PADI1: variants seen among roughly 807,000 people sequenced by gnomAD.
The protein encoded by PADI1 is protein-arginine deiminase type-1.
PADI1 carries 65 observed loss-of-function variants against 74.8 expected under a neutral mutation model. The ratio of observed to expected loss-of-function variants is 0.87; its 90% CI spans 0.71 to 1.07. PADI1 has a LOEUF of 1.07. PADI1 is among the 50% of genes least tolerant of loss of function. The pLI is 0.00. For missense variants in PADI1, 943 were observed against 854.0 expected, an observed-to-expected ratio of 1.10 and a Z score of -1.30; for synonymous variants, 371 against 336.2, an observed-to-expected ratio of 1.10 and a Z score of -1.13.
At chr1:17,216,038 C>T (rs1030407567) in intron 1 of PADI1, among the ~76,000 whole-genome samples, 6 of 151,772 alleles carry the variant, frequency 4.0e-5, no homozygotes, top group African/African-American at 7.3e-5. Context: ...AGGGGCTGGG[C>T]GGACCGCAGG....
In PADI1 at chr1:17,222,289, G is replaced by A. The variant is rs2072176786; in HGVS notation, c.93-1G>A. On this transcript the variant is annotated splice_acceptor_variant, in intron 1 of 15. Coordinates refer to ENST00000375471, the MANE Select transcript of PADI1 (RefSeq NM_013358.3). LOFTEE classifies it high-confidence loss of function. The stretch of plus-strand genomic sequence containing the variant: ...CTCTTCCCATCTCTCTTCTCTGCCA[G>A]TGATGTGCCCAAGGGTGCCAACAGC... 1 of 1,612,914 alleles carries A rather than the reference G, an allele frequency of 6.2e-7. No individual in the cohort carries two copies.
intron 14 of PADI1, 129 bp from the exon 15 acceptor site, chr1:17,240,506 C>G: frequency 9.9e-7 from 1 of 1,005,034 alleles, no homozygotes; most frequent in Non-Finnish European, 1.5e-6. Flanking sequence ...TTCTATTGCA[C>G]AAAGCTGTTG....
chr1:17,244,602 G>A lies in PADI1; in HGVS notation c.*359G>A, dbSNP rs569224563. ...TTCTGATGCCTCCCTGGGGAACAAGGATAATGACTTTGCATCTGCACCTGG... is the reference window on the plus strand; with the variant it reads ...TTCTGATGCCTCCCTGGGGAACAAGAATAATGACTTTGCATCTGCACCTGG... On this transcript the variant is annotated 3_prime_UTR_variant, in exon 16 of 16. Coordinates refer to ENST00000375471, the MANE Select transcript of PADI1 (RefSeq NM_013358.3). 7.7e-6 allele frequency: 3 copies of A among 388,796 alleles called. No homozygotes were observed. The highest frequency in any genetic ancestry group is 7.0e-5 in the East Asian group (1 of 14,374). 24.1% of individuals were successfully genotyped at this position (388,796 alleles called of 1,614,324 possible). A position where few individuals can be genotyped will look rare whatever the true frequency, so the allele number is the denominator to read the frequency against.
At chr1:17,214,393 C>T (rs1221355750) in intron 1 of PADI1, among the ~76,000 whole-genome samples, 1 of 152,138 alleles carries the variant, frequency 6.6e-6, no homozygotes, top group Non-Finnish European at 1.5e-5. Flanking sequence ...TGGTGAGGGG[C>T]AGGCTCATCA....
chr1:17,215,631 A>G (rs2071956872), intron 1 of PADI1, among the ~76,000 whole-genome samples: 1 of 151,756 alleles, frequency 6.6e-6, no homozygotes, highest in Admixed American at 6.6e-5. Flanking sequence ...TGCTCTTGGA[A>G]CTCATGGGCC....
intron 1 of PADI1, among the ~76,000 whole-genome samples, chr1:17,216,179 C>A (rs1044036844): frequency 6.6e-6 from 1 of 152,134 alleles, no homozygotes; most frequent in Non-Finnish European, 1.5e-5. Flanking sequence ...CACACAGGCT[C>A]TGGTGACAGC....
chr1:17,228,173 G>C (rs749155841), intron 6 of PADI1, among the ~76,000 whole-genome samples: 2 of 152,056 alleles, frequency 1.3e-5, no homozygotes, highest in African/African-American at 4.8e-5. Flanking sequence ...AAAATTTTTT[G>C]TAGAGATGGG....
Position 17,237,271 on chromosome 1 carries a change from T to C in PADI1, c.1314-43T>C, listed in dbSNP as rs373330807. On this transcript the variant is annotated intron_variant, in intron 11 of 15. Coordinates refer to ENST00000375471, the MANE Select transcript of PADI1 (RefSeq NM_013358.3). Reference sequence around the variant, plus strand: ...GATGACTCAGGCAAGGCCTGATGCCTCTCAGGCACAAGGTGACTGCCCGCC... The same window carrying C: ...GATGACTCAGGCAAGGCCTGATGCCCCTCAGGCACAAGGTGACTGCCCGCC... The C allele has an allele frequency of 9.0e-5, 140 of 1,560,768 alleles. No homozygotes were observed. In the South Asian group the frequency reaches 1.3e-3, roughly 15 times the overall value.
Position 17,244,490 on chromosome 1 carries a change from G to A in PADI1, c.*247G>A, listed in dbSNP as rs1215300803. The stretch of plus-strand genomic sequence containing the variant: ...CTCTTTCCCACCCACAGCCCCCAGA[G>A]GCTCTAGATCAACAATGTTAGCATG... On this transcript the variant is annotated 3_prime_UTR_variant, in exon 16 of 16. Coordinates refer to ENST00000375471, the MANE Select transcript of PADI1 (RefSeq NM_013358.3). 2 of 611,254 alleles carry A rather than the reference G, an allele frequency of 3.3e-6. No homozygotes were observed. Among genetic ancestry groups the A allele is most frequent in the Admixed American group, 2.1e-5 (1 of 46,888 alleles). 37.9% of individuals were successfully genotyped at this position (611,254 alleles called of 1,614,324 possible). A position where few individuals can be genotyped will look rare whatever the true frequency, so the allele number is the denominator to read the frequency against.
chr1:17,235,011 G>C (rs1569836727), intron 11 of PADI1, among the ~76,000 whole-genome samples: 1 of 152,070 alleles, frequency 6.6e-6, no homozygotes, highest in East Asian at 1.9e-4. Flanking sequence ...CAGCTACTTG[G>C]GAGGCTGAGG....
chr1:17,223,566 G>A lies in PADI1; in HGVS notation c.274-55G>A, dbSNP rs1266308997. 7 of 1,424,500 alleles carry A rather than the reference G, an allele frequency of 4.9e-6. No homozygotes were observed. The African/African-American group carries it at 8.4e-5, about 17-fold the overall frequency. The allele number at this position is 1,424,500 out of a possible 1,614,324, so 88.2% of individuals were successfully genotyped here. ...TCAGGATGTGTCCCTCATCACCTCT[G>A]CCTCCGCCATCTCTGAAGGTGATGG... On this transcript the variant is annotated intron_variant, in intron 2 of 15. Coordinates refer to ENST00000375471, the MANE Select transcript of PADI1 (RefSeq NM_013358.3).
Position 17,228,997 on chromosome 1 carries a change from C to T in PADI1, c.875C>T (p.Ala292Val), listed in dbSNP as rs1226508882. The T allele has an allele frequency of 2.7e-5, 43 of 1,594,596 alleles. No individual in the cohort carries two copies. Among genetic ancestry groups the T allele is most frequent in the Admixed American group, 3.5e-5 (2 of 57,206 alleles). The change falls in exon 8 of 16, where the codon GCC becomes GTC. Residue 292 changes from alanine (A) to valine (V), a missense_variant. Physicochemically the swap from Ala to Val is moderately conservative, Grantham distance 64 (BLOSUM62 0). Coordinates refer to ENST00000375471, the MANE Select transcript of PADI1 (RefSeq NM_013358.3). The stretch of plus-strand genomic sequence containing the variant: ...ACAGACACTGTGGGCTTCCGCATGG[C>T]CCCCTGGATCATGACGCCCAACACT... ...LFTDTVGFRMAPWIMTPNTQP... is the reference protein window; with the variant it reads ...LFTDTVGFRMVPWIMTPNTQP...
intron 6 of PADI1, 59 bp downstream of exon 6, chr1:17,226,217 C>A: frequency 6.4e-7 from 1 of 1,568,442 alleles, no homozygotes; most frequent in East Asian, 2.3e-5. Flanking sequence ...CCTCTCCTCC[C>A]CCATCTCTCT....
chr1:17,226,649 C>T (rs1039191933), intron 6 of PADI1, among the ~76,000 whole-genome samples: 4 of 152,114 alleles, frequency 2.6e-5, no homozygotes, highest in Admixed American at 6.5e-5. Context: ...CAAGGCTGGG[C>T]GCAATGACTC....
At chr1:17,225,129 G>T (rs541556897) in intron 4 of PADI1, among the ~76,000 whole-genome samples, 1 of 152,310 alleles carries the variant, frequency 6.6e-6, no homozygotes, top group African/African-American at 2.4e-5. Flanking sequence ...GTGCCATAAA[G>T]GCTAACAGTG....
At chr1:17,217,589 AT>A (rs1475708150) in intron 1 of PADI1, among the ~76,000 whole-genome samples, 2 of 152,258 alleles carry the variant, frequency 1.3e-5, no homozygotes, top group Non-Finnish European at 2.9e-5. Flanking sequence ...AGCAAATTAT[AT>A]TAAAAACAAA....
intron 1 of PADI1, among the ~76,000 whole-genome samples, chr1:17,207,859 G>T (rs935510533): frequency 6.6e-6 from 1 of 152,350 alleles, no homozygotes. Context: ...GCTACTGAGA[G>T]CCTCCAAACT....
chr1:17,240,708 C>G lies in PADI1; in HGVS notation c.1706C>G (p.Pro569Arg). ...GLAESDIVDI[P>R]QLFFLKNFYA... ...GCAGAGAGTGACATCGTGGACATTCCCCAGCTCTTCTTCCTGAAAAACTTC... is the reference window on the plus strand; with the variant it reads ...GCAGAGAGTGACATCGTGGACATTCGCCAGCTCTTCTTCCTGAAAAACTTC... Residue 569 changes from proline to arginine, a missense_variant, in exon 15 of 16, where the codon CCC becomes CGC. Physicochemically the swap from Pro to Arg is moderately radical, Grantham distance 103. Transcript: ENST00000375471. 4.3e-6 allele frequency: 7 copies of G among 1,614,074 alleles called. No homozygotes were observed. Among genetic ancestry groups the G allele is most frequent in the Non-Finnish European group, 5.9e-6 (7 of 1,179,954 alleles).
In PADI1 at chr1:17,230,668, A is replaced by G. The variant is rs371096059; in HGVS notation, c.1150A>G (p.Lys384Glu). Residue 384 changes from lysine (K) to glutamate (E), a missense_variant, in exon 10 of 16, where the codon AAG (lysine) becomes GAG (glutamate). By Grantham distance (56) the Lys-to-Glu change is moderately conservative. Coordinates refer to ENST00000375471, the MANE Select transcript of PADI1 (RefSeq NM_013358.3). ...RNRGLKDFPY[K>E]RILGPDFGYV... ...CAGGGGCCTGAAAGATTTCCCCTAT[A>G]AGAGGATCCTGGTACGTAGCGACAG... is the stretch of plus-strand genomic sequence containing the variant. 26 of 1,598,710 alleles carry G rather than the reference A, an allele frequency of 1.6e-5. No homozygotes were observed. The highest frequency in any genetic ancestry group is 2.2e-5 in the Non-Finnish European group (26 of 1,167,354).
Sources: gnomAD v4.1 joint callset for allele counts (sites outside exome capture counted in the v4.1 genomes callset) on GRCh38, gnomAD v4.1.1 for gene constraint, MANE v1.5 for transcripts, NCBI Gene and HGNC (gene_info 2026-07-23, HGNC 2026-07-21) for gene names.